Variants in NOX4 observed in about 807,000 individuals in gnomAD.
NOX4 encodes NADPH oxidase 4, also known as kidney oxidase-1.
NOX4 carries 69 observed loss-of-function variants against 87.6 expected under a neutral mutation model. That is an observed-to-expected ratio of 0.79 (90% CI 0.65 to 0.96). The LOEUF (loss-of-function observed/expected upper bound fraction) is 0.96. Among genes scored for constraint, NOX4 ranks in the 40% least tolerant of loss-of-function variants. The pLI is 0.00. For synonymous variants in NOX4, 275 were observed against 238.2 expected (o/e 1.15, Z -1.42); for missense variants, 680 against 681.5 (o/e 1.00, Z 0.02).
At chr11:89,587,229 G>A in the NOX4 span, among the ~76,000 whole-genome samples, 2 of 151,992 alleles carry the variant, frequency 1.3e-5, no homozygotes, top group African/African-American at 4.8e-5. Context: ...TAACATAGAA[G>A]GGAGAGGATA....
chr11:89,377,552 C>G (rs1939947245), intron 11 of NOX4, among the ~76,000 whole-genome samples: 1 of 152,008 alleles, frequency 6.6e-6, no homozygotes, highest in South Asian at 2.1e-4. Context: ...AATTTTATAA[C>G]AGTCCCACAA....
At chr11:89,416,155 C>CCATT (rs1484027221) in intron 8 of NOX4, among the ~76,000 whole-genome samples, 1 of 152,094 alleles carries the variant, frequency 6.6e-6, no homozygotes, top group African/African-American at 2.4e-5. Context: ...AATAGCATCC[C>CCATT]CATTCATTCT....
At chr11:89,373,175 G>T (rs1288463696) in intron 12 of NOX4, among the ~76,000 whole-genome samples, 1 of 146,360 alleles carries the variant, frequency 6.8e-6, no homozygotes, top group East Asian at 2.0e-4. Context: ...TGATTTGCAA[G>T]CACACTGAAC....
At chr11:89,581,722 C>T in the NOX4 span, among the ~76,000 whole-genome samples, 1 of 152,118 alleles carries the variant, frequency 6.6e-6, no homozygotes, top group African/African-American at 2.4e-5. Flanking sequence ...GTATAATCTA[C>T]ATACAAAATG....
the NOX4 span, among the ~76,000 whole-genome samples, chr11:89,560,436 T>A: frequency 6.6e-6 from 1 of 152,258 alleles, no homozygotes; most frequent in Non-Finnish European, 1.5e-5. Flanking sequence ...AGTTTTGTGG[T>A]ATTTTGTGAC....
At chr11:89,552,987 A>G in the NOX4 span, among the ~76,000 whole-genome samples, 1 of 152,144 alleles carries the variant, frequency 6.6e-6, no homozygotes, top group Non-Finnish European at 1.5e-5. Context: ...AAATTCTTGA[A>G]GCAATGTGCT....
intron 14 of NOX4, among the ~76,000 whole-genome samples, chr11:89,340,406 T>C (rs1389468742): frequency 1.8e-5 from 2 of 111,508 alleles, no homozygotes; most frequent in Non-Finnish European, 3.5e-5. Flanking sequence ...TTTAGGTGTT[T>C]AAGTGTTAAA....
chr11:89,519,315 G>A, the NOX4 span, among the ~76,000 whole-genome samples: 1 of 151,912 alleles, frequency 6.6e-6, no homozygotes, highest in Non-Finnish European at 1.5e-5. Flanking sequence ...TTTACTGAGT[G>A]CTTCCTATGA....
chr11:89,332,683 C>G (rs1036408609), intron 17 of NOX4, among the ~76,000 whole-genome samples: 3 of 151,874 alleles, frequency 2.0e-5, no homozygotes, highest in African/African-American at 7.2e-5. Context: ...GATTGCCACT[C>G]TTTATCTGTG....
At chr11:89,408,381 A>T (rs921013710) in intron 8 of NOX4, among the ~76,000 whole-genome samples, 37 of 152,202 alleles carry the variant, frequency 2.4e-4, no homozygotes, top group African/African-American at 8.9e-4. Context: ...ATATTTTAGC[A>T]AATGGCATGT....
At chr11:89,371,256 C>CCAAGTCAACAAATATTT (rs1314238212) in intron 12 of NOX4, among the ~76,000 whole-genome samples, 2 of 151,762 alleles carry the variant, frequency 1.3e-5, no homozygotes, top group African/African-American at 2.4e-5. Context: ...ATATTTTTTT[C>CCAAGTCAACAAATATTT]CAAGTCAACA....
At chr11:89,442,455 A>G (rs1391228020) in intron 5 of NOX4, among the ~76,000 whole-genome samples, 1 of 152,158 alleles carries the variant, frequency 6.6e-6, no homozygotes, top group Non-Finnish European at 1.5e-5. Context: ...TCAGAACAAA[A>G]CCCTAGAATC....
Position 89,451,780 on chromosome 11 carries a change from C to A in NOX4, c.264+5G>T, listed in dbSNP as rs769284222. 6.3e-7 allele frequency: 1 copy of A among 1,595,582 alleles called. No individual in the cohort carries two copies. The highest frequency in any genetic ancestry group is 1.1e-5 in the South Asian group (1 of 90,650). ...GAATTTGAAAGTAGGACTGTTTTTT[C>A]TTACCTTCTGTGATCCTCGGAGGTA... On this transcript the variant is annotated splice_donor_5th_base_variant and intron_variant, in intron 3 of 17. Coordinates refer to ENST00000263317, the MANE Select transcript of NOX4 (RefSeq NM_016931.5).
intron 2 of NOX4, among the ~76,000 whole-genome samples, chr11:89,480,653 C>T (rs558890525): frequency 3.9e-5 from 6 of 152,166 alleles, no homozygotes; most frequent in Admixed American, 3.3e-4. Context: ...AAATTCTGTT[C>T]TTTAGCTTCC....
chr11:89,458,950 T>C (rs112559042), intron 2 of NOX4, among the ~76,000 whole-genome samples: 2,224 of 152,222 alleles, frequency 0.015, 56 homozygotes, highest in African/African-American at 0.051. Context: ...AATCCCATGA[T>C]TGAATATATA....
chr11:89,379,444 C>T (rs1940110099), intron 11 of NOX4, among the ~76,000 whole-genome samples: 1 of 151,870 alleles, frequency 6.6e-6, no homozygotes, highest in Non-Finnish European at 1.5e-5. Flanking sequence ...CTCTGATCAC[C>T]AGCCATGTAA....
intron 11 of NOX4, among the ~76,000 whole-genome samples, chr11:89,374,872 A>G (rs959864876): frequency 3.3e-5 from 5 of 152,208 alleles, no homozygotes; most frequent in African/African-American, 1.2e-4. Context: ...ACATAAAGCA[A>G]GTCCAAGACT....
At chr11:89,391,357 G>A (rs915263937) in intron 11 of NOX4, among the ~76,000 whole-genome samples, 3 of 152,086 alleles carry the variant, frequency 2.0e-5, no homozygotes, top group Non-Finnish European at 2.9e-5. Context: ...AAAGAGAATG[G>A]GTGGAGTTTA....
rs983622164 is a variant in NOX4, at chr11:89,338,045, A to T, written c.1447-530T>A. On this transcript the variant is annotated intron_variant, in intron 15 of 17. Coordinates refer to ENST00000263317, the MANE Select transcript of NOX4 (RefSeq NM_016931.5). Reference sequence around the variant, plus strand: ...ATGCACGAGGCAAAAATATACCTGCAAAAATAAATAGTCTAGAAAAAAATA... The same window carrying T: ...ATGCACGAGGCAAAAATATACCTGCTAAAATAAATAGTCTAGAAAAAAATA... Among the ~76,000 whole-genome samples, 4 of 151,624 alleles carry T rather than the reference A, an allele frequency of 2.6e-5. No homozygotes were observed. The South Asian group carries it at 8.3e-4, about 31-fold the overall frequency.
Sources: allele counts gnomAD v4.1 joint callset (sites outside exome capture counted in the v4.1 genomes callset), GRCh38; gene constraint gnomAD v4.1.1; transcripts MANE v1.5; gene names NCBI Gene and HGNC (gene_info 2026-07-23, HGNC 2026-07-21).